LDLRAD3: variants seen among roughly 807,000 people sequenced by gnomAD.
LDLRAD3 encodes the protein low density lipoprotein receptor class A domain containing 3.
LDLRAD3 carries 20 observed loss-of-function variants against 29.4 expected under a neutral mutation model. The observed-to-expected ratio is 0.68, with a 90% CI of 0.48 to 0.99. LDLRAD3 has a LOEUF of 0.99. Among genes scored for constraint, LDLRAD3 ranks in the 50% least tolerant of loss-of-function variants. The probability of loss-of-function intolerance (pLI) is 0.00; values close to 1 mark genes in which losing one functional copy is unlikely to be tolerated. For missense variants in LDLRAD3, 420 were observed against 454.3 expected (o/e 0.92, Z 0.69); for synonymous variants, 157 against 192.7 (o/e 0.81, Z 1.53).
At chr11:36,102,946 T>G (rs976670013) in intron 4 of LDLRAD3, among the ~76,000 whole-genome samples, 1 of 152,178 alleles carries the variant, frequency 6.6e-6, no homozygotes, top group South Asian at 2.1e-4. Flanking sequence ...TCAAATGTGA[T>G]TAGATCTTAG....
At chr11:36,133,620 G>A (rs1247599409) in intron 4 of LDLRAD3, among the ~76,000 whole-genome samples, 4 of 139,420 alleles carry the variant, frequency 2.9e-5, no homozygotes, top group African/African-American at 1.1e-4. Flanking sequence ...TGCAAGCTCC[G>A]CCTCCTGGGT....
chr11:36,026,834 C>A (rs1233657304), intron 1 of LDLRAD3, among the ~76,000 whole-genome samples: 1 of 152,154 alleles, frequency 6.6e-6, no homozygotes, highest in Non-Finnish European at 1.5e-5. Context: ...AATTGCCCAC[C>A]CCTTTCCTAG....
At chr11:35,964,196 A>G (rs1475229330) in intron 1 of LDLRAD3, among the ~76,000 whole-genome samples, 1 of 152,198 alleles carries the variant, frequency 6.6e-6, no homozygotes, top group East Asian at 1.9e-4. Flanking sequence ...ACTACTAACC[A>G]TGTTCCCAAT....
intron 1 of LDLRAD3, chr11:35,967,330 A>C: frequency 4.5e-6 from 1 of 220,360 alleles, no homozygotes; most frequent in Non-Finnish European, 9.0e-6. Context: ...GCAGACTGTA[A>C]AAGTCTTCTG....
chr11:35,985,647 G>A (rs1183829783), intron 1 of LDLRAD3, among the ~76,000 whole-genome samples: 1 of 150,572 alleles, frequency 6.6e-6, no homozygotes, highest in Admixed American at 6.6e-5. Context: ...ACTGAATCAC[G>A]GGGGCAGGTT....
intron 3 of LDLRAD3, among the ~76,000 whole-genome samples, chr11:36,093,732 G>T (rs1323611174): frequency 6.6e-6 from 1 of 152,166 alleles, no homozygotes; most frequent in African/African-American, 2.4e-5. Context: ...AGAAGAATGA[G>T]ATATGCTGAC....
At chr11:36,059,469 TC>T (rs1286167004) in intron 2 of LDLRAD3, among the ~76,000 whole-genome samples, 1 of 152,100 alleles carries the variant, frequency 6.6e-6, no homozygotes, top group Non-Finnish European at 1.5e-5. Flanking sequence ...CTGACCTGGC[TC>T]CTGCTGACCT....
chr11:36,191,576 C>CTCTCTCTCTATA (rs377747518), intron 4 of LDLRAD3, among the ~76,000 whole-genome samples: 92 of 53,386 alleles, frequency 1.7e-3, no homozygotes, highest in Non-Finnish European at 2.3e-3. Flanking sequence ...CTCTCTCTCT[C>CTCTCTCTCTATA]TATATATATA....
chr11:36,171,110 A>G (rs1257236779), intron 4 of LDLRAD3, among the ~76,000 whole-genome samples: 5 of 151,858 alleles, frequency 3.3e-5, no homozygotes, highest in Non-Finnish European at 7.4e-5. Flanking sequence ...GGAATTGTCT[A>G]TTTGTGTCCT....
chr11:36,036,204 G>C lies in LDLRAD3; in HGVS notation c.148G>C (p.Asp50His). Residue 50 changes from aspartate to histidine, a missense_variant, in exon 2 of 6, where the codon GAC (aspartate) becomes CAC (histidine). Around this residue, in one of 3 missense-constraint regions of LDLRAD3, gnomAD observed 224 missense variants for 222.2 expected, o/e 1.01. Transcript: ENST00000315571. ...GRCIPGAWQC[D>H]GLPDCFDKSD... ...GTGCATCCCGGGCGCCTGGCAGTGT[G>C]ACGGGCTGCCTGACTGCTTCGACAA... 1 of 1,614,198 alleles carries C rather than the reference G, an allele frequency of 6.2e-7. No individual in the cohort carries two copies. The highest frequency in any genetic ancestry group is 8.5e-7 in the Non-Finnish European group (1 of 1,180,038).
Position 36,024,980 on chromosome 11 carries a change from CTA to C in LDLRAD3, c.47-11121_47-11120del, listed in dbSNP as rs747926550. ...GGCTTAGTAAGTTTGGTGGGTAAATCTATCTTAGGAGATAACATTTATTTTTT... is the reference window on the plus strand; with the variant it reads ...GGCTTAGTAAGTTTGGTGGGTAAATCTCTTAGGAGATAACATTTATTTTTT... On this transcript the variant is annotated intron_variant, in intron 1 of 5. Coordinates refer to ENST00000315571, the MANE Select transcript of LDLRAD3 (RefSeq NM_174902.4). Among the ~76,000 whole-genome samples, 149 of 152,358 alleles carry C rather than the reference CTA, an allele frequency of 9.8e-4. 1 individual carries two copies. Among genetic ancestry groups the C allele is most frequent in the Non-Finnish European group, 1.9e-3 (130 of 68,044 alleles).
intron 4 of LDLRAD3, among the ~76,000 whole-genome samples, chr11:36,165,331 G>A (rs967777899): frequency 1.1e-4 from 16 of 151,820 alleles, no homozygotes; most frequent in Admixed American, 5.9e-4. Flanking sequence ...ACGAAGTTGT[G>A]ATGGCTTTAA....
chr11:36,102,011 C>G (rs1045421072), intron 4 of LDLRAD3: 1 of 201,230 alleles, frequency 5.0e-6, no homozygotes, highest in East Asian at 1.8e-4. Flanking sequence ...GCCTCAGCCT[C>G]CCGAGTAGCT....
At chr11:36,141,601 T>C (rs1352832307) in intron 4 of LDLRAD3, among the ~76,000 whole-genome samples, 1 of 151,254 alleles carries the variant, frequency 6.6e-6, no homozygotes. Context: ...TAGGAGAATT[T>C]GGTGGGGGTG....
chr11:35,951,193 T>G (rs1042354325), intron 1 of LDLRAD3, among the ~76,000 whole-genome samples: 1 of 152,208 alleles, frequency 6.6e-6, no homozygotes, highest in African/African-American at 2.4e-5. Flanking sequence ...CTCCTTCATC[T>G]TCCTTTCCCA....
intron 1 of LDLRAD3, among the ~76,000 whole-genome samples, chr11:36,026,677 G>A (rs535495181): frequency 4.8e-4 from 73 of 152,332 alleles, no homozygotes; most frequent in South Asian, 2.1e-3. Flanking sequence ...ACCTCTGGTC[G>A]TCCTCATTGC....
intron 4 of LDLRAD3, among the ~76,000 whole-genome samples, chr11:36,143,977 G>T (rs1254798248): frequency 2.3e-5 from 3 of 129,574 alleles, no homozygotes; most frequent in South Asian, 5.5e-4. Flanking sequence ...CTCTGATGCC[G>T]AGCCGAAGCT....
intron 4 of LDLRAD3, among the ~76,000 whole-genome samples, chr11:36,189,158 C>T (rs1303548270): frequency 6.6e-6 from 1 of 152,184 alleles, no homozygotes; most frequent in African/African-American, 2.4e-5. Flanking sequence ...AGCATCATCA[C>T]TATAAACTTC....
chr11:36,153,603 A>C (rs1854306375), intron 4 of LDLRAD3, among the ~76,000 whole-genome samples: 2 of 152,172 alleles, frequency 1.3e-5, no homozygotes, highest in South Asian at 4.1e-4. Context: ...TACCAAGTAC[A>C]TGTTCTTAAT....
Sources: gnomAD v4.1 joint callset for allele counts (sites outside exome capture counted in the v4.1 genomes callset) on GRCh38, gnomAD v4.1.1 for gene constraint, gnomAD v4.1.1 regional missense constraint, MANE v1.5 for transcripts, NCBI Gene and HGNC (gene_info 2026-07-23, HGNC 2026-07-21) for gene names.